Variants in UNC5D observed in about 807,000 individuals in gnomAD.
The protein encoded by UNC5D is unc-5 netrin receptor D.
UNC5D carries 39 observed loss-of-function variants against 105.4 expected under a neutral mutation model. That is an observed-to-expected ratio of 0.37 (90% CI 0.29 to 0.48). The LOEUF is 0.48. Ranked by LOEUF, UNC5D falls within the 20% of genes least tolerant of loss-of-function variation. The pLI is 0.98. For missense variants in UNC5D, 991 were observed against 1,202.4 expected, an observed-to-expected ratio of 0.82 and a Z score of 2.60; for synonymous variants, 452 against 450.4, an observed-to-expected ratio of 1.00 and a Z score of -0.04.
intron 1 of UNC5D, among the ~76,000 whole-genome samples, chr8:35,536,852 C>A (rs556187100): frequency 6.6e-6 from 1 of 151,982 alleles, no homozygotes; most frequent in African/African-American, 2.4e-5. Context: ...AAAATTTAGC[C>A]GGGTGTAGTG....
intron 3 of UNC5D, among the ~76,000 whole-genome samples, chr8:35,585,870 T>C (rs530974031): frequency 6.6e-6 from 1 of 152,044 alleles, no homozygotes; most frequent in African/African-American, 2.4e-5. Flanking sequence ...ATGCCAGTTA[T>C]CACTCAGGGA....
intron 1 of UNC5D, among the ~76,000 whole-genome samples, chr8:35,313,351 G>A (rs564591045): frequency 6.6e-6 from 1 of 152,238 alleles, no homozygotes; most frequent in African/African-American, 2.4e-5. Context: ...TGGTCGAACT[G>A]TGCTACAGAA....
chr8:35,630,647 G>A (rs1821982001), intron 4 of UNC5D, among the ~76,000 whole-genome samples: 1 of 152,116 alleles, frequency 6.6e-6, no homozygotes, highest in Non-Finnish European at 1.5e-5. Context: ...GAATTTTAGG[G>A]CCGTACATAC....
chr8:35,555,095 AAG>A (rs1816442575), intron 2 of UNC5D, among the ~76,000 whole-genome samples: 1 of 152,220 alleles, frequency 6.6e-6, no homozygotes, highest in African/African-American at 2.4e-5. Flanking sequence ...CAAATCACTA[AAG>A]TACATTTGGG....
intron 1 of UNC5D, among the ~76,000 whole-genome samples, chr8:35,404,621 T>G (rs996885277): frequency 6.6e-6 from 1 of 152,114 alleles, no homozygotes; most frequent in Non-Finnish European, 1.5e-5. Context: ...GGAGTCTCGC[T>G]CTGTTGCCCA....
intron 7 of UNC5D, among the ~76,000 whole-genome samples, chr8:35,705,287 C>T (rs1340723743): frequency 6.6e-6 from 1 of 152,154 alleles, no homozygotes; most frequent in Non-Finnish European, 1.5e-5. Flanking sequence ...CTTAATCCAC[C>T]TTATCTCATG....
intron 4 of UNC5D, among the ~76,000 whole-genome samples, chr8:35,632,301 C>T (rs1324482975): frequency 6.6e-6 from 1 of 152,168 alleles, no homozygotes; most frequent in Non-Finnish European, 1.5e-5. Context: ...GAAAATGCAT[C>T]CTTTAACCCA....
chr8:35,448,608 T>C (rs1387857436), intron 1 of UNC5D, among the ~76,000 whole-genome samples: 1 of 152,096 alleles, frequency 6.6e-6, no homozygotes, highest in Non-Finnish European at 1.5e-5. Flanking sequence ...ATTTAAACCC[T>C]CATATTTCTT....
chr8:35,727,760 G>A (rs1434953824), intron 10 of UNC5D: 1 of 152,102 alleles, frequency 6.6e-6, no homozygotes, highest in Admixed American at 6.5e-5. Flanking sequence ...AAATGTGTAT[G>A]CGTGTCAATG....
chr8:35,337,869 G>T (rs866588318), intron 1 of UNC5D, among the ~76,000 whole-genome samples: 5 of 151,968 alleles, frequency 3.3e-5, no homozygotes, highest in Non-Finnish European at 7.4e-5. Flanking sequence ...AATTATTAAA[G>T]GTTTGTGTTT....
Position 35,593,474 on chromosome 8 carries a change from C to T in UNC5D, c.467-2080C>T, listed in dbSNP as rs28628651. On this transcript the variant is annotated intron_variant, in intron 3 of 16. Transcript: ENST00000404895. Reference sequence around the variant, plus strand: ...AATAACAAACAAACCAAACAAAAGCCGGACACAGTGGCTCATGCCTGTAAT... The same window carrying T: ...AATAACAAACAAACCAAACAAAAGCTGGACACAGTGGCTCATGCCTGTAAT... 7.1e-3 allele frequency among the ~76,000 whole-genome samples: 1,075 copies of T among 152,216 alleles called. 15 individuals are homozygous for T. The highest frequency in any genetic ancestry group is 0.024 in the African/African-American group (987 of 41,532).
intron 1 of UNC5D, among the ~76,000 whole-genome samples, chr8:35,540,904 C>T (rs560971777): frequency 6.6e-6 from 1 of 152,244 alleles, no homozygotes; most frequent in South Asian, 2.1e-4. Context: ...AGCATGGGTT[C>T]TCTTGCATTC....
intron 8 of UNC5D, among the ~76,000 whole-genome samples, chr8:35,707,845 GAGCACCATGCTTA>G (rs1827689603): frequency 6.6e-6 from 1 of 152,106 alleles, no homozygotes; most frequent in African/African-American, 2.4e-5. Context: ...TCTCGTTCCT[GAGCACCATGCTTA>G]ATTGCTGGAT....
At chr8:35,271,751 G>A (rs1230778475) in intron 1 of UNC5D, among the ~76,000 whole-genome samples, 3 of 97,404 alleles carry the variant, frequency 3.1e-5, no homozygotes, top group African/African-American at 1.2e-4. Context: ...ATTTATACAT[G>A]TATACATGTA....
intron 1 of UNC5D, among the ~76,000 whole-genome samples, chr8:35,322,322 G>GT (rs955754904): frequency 1.6e-4 from 24 of 151,028 alleles, no homozygotes; most frequent in African/African-American, 4.4e-4. Flanking sequence ...TGAAAATAAT[G>GT]TTTTTTTCTC....
At chr8:35,650,634 A>T (rs1563631367) in intron 4 of UNC5D, among the ~76,000 whole-genome samples, 1 of 150,912 alleles carries the variant, frequency 6.6e-6, no homozygotes, top group Non-Finnish European at 1.5e-5. Flanking sequence ...TGCCCAGCTA[A>T]TTTTTTTTTG....
chr8:35,659,357 A>C (rs910503327), intron 4 of UNC5D, among the ~76,000 whole-genome samples: 1 of 152,220 alleles, frequency 6.6e-6, no homozygotes, highest in African/African-American at 2.4e-5. Flanking sequence ...GTTTGAGATC[A>C]ATTTTGTGAA....
intron 11 of UNC5D, among the ~76,000 whole-genome samples, chr8:35,744,734 T>C (rs78686975): frequency 0.066 from 9,997 of 151,954 alleles, 912 homozygotes; most frequent in African/African-American, 0.2. Context: ...GGGGATGCAA[T>C]GATGACCTAA....
At chr8:35,260,429 C>T (rs768232471) in intron 1 of UNC5D, among the ~76,000 whole-genome samples, 1 of 152,148 alleles carries the variant, frequency 6.6e-6, no homozygotes. Context: ...GTACACACGA[C>T]CAAAGTGTTA....
Sources: gnomAD v4.1 joint callset for allele counts (sites outside exome capture counted in the v4.1 genomes callset) on GRCh38, gnomAD v4.1.1 for gene constraint, MANE v1.5 for transcripts, NCBI Gene and HGNC (gene_info 2026-07-23, HGNC 2026-07-21) for gene names.